Variants in CDH18 observed in about 807,000 individuals in gnomAD.
CDH18 encodes cadherin-18.
Under a neutral mutation model 67.9 loss-of-function variants are expected in CDH18, and 31 were observed. The observed-to-expected ratio is 0.46, with a 90% confidence interval of 0.34 to 0.62. The LOEUF (loss-of-function observed/expected upper bound fraction) is 0.62, where lower values mean the gene tolerates loss of function less well. CDH18 is among the 20% of genes least tolerant of loss of function. The pLI is 0.01. For synonymous variants in CDH18, 362 were observed against 347.2 expected (o/e 1.04, Z -0.48); for missense variants, 890 against 975.5 (o/e 0.91, Z 1.17).
intron 2 of CDH18, among the ~76,000 whole-genome samples, chr5:20,122,170 C>T (rs1748412752): frequency 6.6e-6 from 1 of 152,214 alleles, no homozygotes; most frequent in Non-Finnish European, 1.5e-5. Flanking sequence ...CCCACAAGTG[C>T]CTAGTTCCTT....
chr5:20,487,946 G>A lies in CDH18; in HGVS notation c.-580+87516C>T, dbSNP rs76887285. On this transcript the variant is annotated intron_variant, in intron 1 of 14. Coordinates refer to the CDH18 transcript ENST00000507958. ...ATGTAAAACCTGAACATGAGACACT[G>A]TGGAAGTCTCCTCCAGCTGTTCAGT... Among the ~76,000 whole-genome samples, 811 of 152,196 alleles carry A rather than the reference G, an allele frequency of 5.3e-3. 10 individuals are homozygous for A. The highest frequency in any genetic ancestry group is 0.019 in the African/African-American group (777 of 41,544).
intron 2 of CDH18, among the ~76,000 whole-genome samples, chr5:20,055,832 G>C (rs1254210891): frequency 6.6e-6 from 1 of 151,924 alleles, no homozygotes; most frequent in South Asian, 2.1e-4. Flanking sequence ...GAAGCAGAAG[G>C]TCCTTTACAT....
intron 1 of CDH18, among the ~76,000 whole-genome samples, chr5:20,417,876 T>A (rs1349274977): frequency 1.3e-5 from 2 of 152,112 alleles, no homozygotes; most frequent in African/African-American, 4.8e-5. Flanking sequence ...AACATCATAG[T>A]AATTAGACTT....
intron 1 of CDH18, among the ~76,000 whole-genome samples, chr5:20,542,229 T>C (rs1757089840): frequency 1.3e-5 from 2 of 152,106 alleles, no homozygotes; most frequent in South Asian, 4.2e-4. Flanking sequence ...AAGTAAATAG[T>C]AAGTGTTAAA....
intron 2 of CDH18, among the ~76,000 whole-genome samples, chr5:20,243,016 G>T (rs1743106745): frequency 6.6e-6 from 1 of 152,068 alleles, no homozygotes; most frequent in African/African-American, 2.4e-5. Context: ...TTTAATTGTT[G>T]CTCACATGAA....
chr5:19,589,766 T>C (rs1440418278), intron 7 of CDH18, among the ~76,000 whole-genome samples: 1 of 152,122 alleles, frequency 6.6e-6, no homozygotes, highest in East Asian at 1.9e-4. Context: ...CCCTCTACTC[T>C]GGATTCAGCC....
intron 2 of CDH18, among the ~76,000 whole-genome samples, chr5:19,930,616 C>T (rs540898728): frequency 4.0e-5 from 6 of 151,898 alleles, no homozygotes; most frequent in South Asian, 4.1e-4. Flanking sequence ...GACACTTGTA[C>T]GTGAGAAGAT....
intron 1 of CDH18, among the ~76,000 whole-genome samples, chr5:20,359,002 A>G (rs10941698): frequency 0.99 from 147,331 of 149,294 alleles, 72,733 homozygotes; most frequent in Middle Eastern, 1. Flanking sequence ...GCGTGATCTC[A>G]GCTCACCGCA....
chr5:19,746,847 G>T, intron 4 of CDH18, 95 bp downstream of exon 4: 3 of 943,896 alleles, frequency 3.2e-6, no homozygotes, highest in Non-Finnish European at 4.8e-6. Context: ...ATCCCCTCCA[G>T]ATATATATAT....
intron 3 of CDH18, among the ~76,000 whole-genome samples, chr5:19,826,189 A>G (rs1366356362): frequency 2.0e-5 from 3 of 152,162 alleles, no homozygotes; most frequent in Non-Finnish European, 4.4e-5. Context: ...AAAAAGCAAT[A>G]TAAGAAAAAT....
At chr5:19,656,600 T>C (rs1402843603) in intron 5 of CDH18, among the ~76,000 whole-genome samples, 1 of 152,046 alleles carries the variant, frequency 6.6e-6, no homozygotes, top group Non-Finnish European at 1.5e-5. Context: ...ATATAAAATG[T>C]CAGGTGGGAG....
chr5:20,487,272 A>G (rs1328063098), intron 1 of CDH18, among the ~76,000 whole-genome samples: 7 of 151,822 alleles, frequency 4.6e-5, no homozygotes, highest in Admixed American at 4.6e-4. Context: ...TCTGTTTCCT[A>G]TGCTGAATCC....
chr5:20,220,523 CTA>C (rs1741141264), intron 2 of CDH18, among the ~76,000 whole-genome samples: 1 of 151,884 alleles, frequency 6.6e-6, no homozygotes, highest in Non-Finnish European at 1.5e-5. Context: ...TGTGAAACTA[CTA>C]TAAGAAAATA....
chr5:19,669,606 T>A (rs1758462946), intron 5 of CDH18, among the ~76,000 whole-genome samples: 1 of 152,128 alleles, frequency 6.6e-6, no homozygotes, highest in African/African-American at 2.4e-5. Flanking sequence ...TTGATACTAA[T>A]GTTCACTTTG....
chr5:20,223,456 G>A (rs1393425027), intron 2 of CDH18, among the ~76,000 whole-genome samples: 1 of 152,266 alleles, frequency 6.6e-6, no homozygotes, highest in South Asian at 2.1e-4. Flanking sequence ...TGAGACTTTG[G>A]ACTGTGGACT....
At chr5:19,836,439 T>C (rs1363865342) in intron 3 of CDH18, among the ~76,000 whole-genome samples, 1 of 152,212 alleles carries the variant, frequency 6.6e-6, no homozygotes, top group Non-Finnish European at 1.5e-5. Flanking sequence ...CTTTTCTTCA[T>C]ATGTTTGTTG....
At position 20,073,806 on chromosome 5, in the gene CDH18, T is replaced by A. The variant is rs150245237; in HGVS notation, c.-517-81792A>T. 1.9e-3 allele frequency among the ~76,000 whole-genome samples: 283 copies of A among 152,168 alleles called. 1 individual carries two copies. Among genetic ancestry groups the A allele is most frequent in the African/African-American group, 6.4e-3 (267 of 41,542 alleles). Reference sequence around the variant, plus strand: ...GGAAAATACTGTGAGAAAGAAATAATAGTATAGATAAACTCAGTTATTTCA... The same window carrying A: ...GGAAAATACTGTGAGAAAGAAATAAAAGTATAGATAAACTCAGTTATTTCA... On this transcript the variant is annotated intron_variant, in intron 2 of 14. Coordinates refer to the CDH18 transcript ENST00000507958.
At chr5:20,005,164 GA>G (rs960657201) in intron 2 of CDH18, among the ~76,000 whole-genome samples, 5 of 151,904 alleles carry the variant, frequency 3.3e-5, no homozygotes, top group Non-Finnish European at 7.4e-5. Flanking sequence ...AGTCTATATA[GA>G]AACAAAAATA....
At chr5:19,851,964 G>A (rs867826958) in intron 2 of CDH18, among the ~76,000 whole-genome samples, 2 of 152,012 alleles carry the variant, frequency 1.3e-5, no homozygotes, top group East Asian at 1.9e-4. Flanking sequence ...GTTTCTAATA[G>A]CATTGTTTTG....
Sources: allele counts gnomAD v4.1 joint callset (sites outside exome capture counted in the v4.1 genomes callset), GRCh38; gene constraint gnomAD v4.1.1; transcripts MANE v1.5; gene names NCBI Gene and HGNC (gene_info 2026-07-23, HGNC 2026-07-21).